PPP1R3E: variants seen among roughly 807,000 people sequenced by gnomAD.
PPP1R3E encodes protein phosphatase 1 regulatory subunit 3E, also known as protein phosphatase 1, regulatory (inhibitor) subunit 3E.
In PPP1R3E, 20 loss-of-function variants were observed where a neutral mutation model predicts 18.5. That is an observed-to-expected ratio of 1.08 (90% confidence interval 0.76 to 1.58). PPP1R3E has a LOEUF of 1.58. PPP1R3E is among the 40% of genes most tolerant of loss of function. The probability of loss-of-function intolerance (pLI) is 0.00; values close to 1 mark genes in which losing one functional copy is unlikely to be tolerated. For synonymous variants in PPP1R3E, 208 were observed against 208.1 expected (o/e 1.00, Z 0.00); for missense variants, 498 against 460.2 (o/e 1.08, Z -0.75).
At position 23,302,415 on chromosome 14, in the gene PPP1R3E, G is replaced by GCGGGATCGGGCC; in HGVS notation, c.150_161dup (p.Arg52_Ala55dup). On this transcript the variant is annotated inframe_insertion, in exon 1 of 5. Transcript: ENST00000452015. ...GGCGGCCCCGACTCGGTGCGTGAGCGCGGGATCGGGCCCCGAACCGCGTCC... is the reference window on the plus strand; with the variant it reads ...GGCGGCCCCGACTCGGTGCGTGAGCGCGGGATCGGGCCCGGGATCGGGCCCCGAACCGCGTCC... 6.7e-7 allele frequency: 1 copy of GCGGGATCGGGCC among 1,493,408 alleles called. No individual in the cohort carries two copies. Among genetic ancestry groups the GCGGGATCGGGCC allele is most frequent in the Non-Finnish European group, 8.8e-7 (1 of 1,131,702 alleles). 92.5% of individuals were successfully genotyped at this position (1,493,408 alleles called of 1,614,324 possible). A position where few individuals can be genotyped will look rare whatever the true frequency, so the allele number is the denominator to read the frequency against.
At position 23,298,776 on chromosome 14, in the gene PPP1R3E, T is replaced by G. The variant is rs1213456487; in HGVS notation, c.*528A>C. 1 of 154,452 alleles carries G rather than the reference T, an allele frequency of 6.5e-6. No individual in the cohort carries two copies. The highest frequency in any genetic ancestry group is 1.5e-5 in the Non-Finnish European group (1 of 68,254). 9.6% of individuals were successfully genotyped at this position (154,452 alleles called of 1,614,324 possible). A position where few individuals can be genotyped will look rare whatever the true frequency, so the allele number is the denominator to read the frequency against. ...GTTTCTTTCTTCACTTTGCTGCAAC[T>G]TTGAACTGAAGGTGATCCACATGGT... On this transcript the variant is annotated 3_prime_UTR_variant, in exon 5 of 5. Transcript: ENST00000452015.
At position 23,301,351 on chromosome 14, in the gene PPP1R3E, C is replaced by A; in HGVS notation, c.*85G>T. On this transcript the variant is annotated 3_prime_UTR_variant, in exon 2 of 5. Transcript: ENST00000452015. ...TTGGACCGCTCCCGCCAATCCTGGT[C>A]TCTCCTACTCCTCCCCGCCACATCG... The A allele has an allele frequency of 8.3e-7, 1 of 1,199,634 alleles. No individual in the cohort carries two copies. The highest frequency in any genetic ancestry group is 1.0e-6 in the Non-Finnish European group (1 of 962,728). 74.3% of individuals were successfully genotyped at this position (1,199,634 alleles called of 1,614,324 possible). A position where few individuals can be genotyped will look rare whatever the true frequency, so the allele number is the denominator to read the frequency against.
In PPP1R3E at chr14:23,301,467, G is replaced by A. The variant is rs1049284671; in HGVS notation, c.809C>T (p.Pro270Leu). The change falls in exon 2 of 5, where the codon CCG becomes CTG. Residue 270 changes from proline (P) to leucine (L), a missense_variant. Pro to Leu is a moderately conservative substitution (Grantham distance 98). Coordinates refer to ENST00000452015, the MANE Select transcript of PPP1R3E (RefSeq NM_001276318.2). ...AAAGTGGATCCAGCCCTGCGGCTCC[G>A]GAGCTCCGCCACTGCCCGGGTGCTC... ...GPEHPGSGGA[P>L]EPQGWIHFI is the part of the protein sequence containing the mutation. The A allele has an allele frequency of 2.7e-6, 4 of 1,462,760 alleles. No individual in the cohort carries two copies. The highest frequency in any genetic ancestry group is 3.6e-6 in the Non-Finnish European group (4 of 1,111,366). 90.6% of individuals were successfully genotyped at this position (1,462,760 alleles called of 1,614,324 possible). A position where few individuals can be genotyped will look rare whatever the true frequency, so the allele number is the denominator to read the frequency against.
At position 23,301,493 on chromosome 14, in the gene PPP1R3E, G is replaced by C. The variant is rs1004877604; in HGVS notation, c.783C>G (p.Pro261=). The C allele has an allele frequency of 4.1e-6, 6 of 1,476,850 alleles. No individual in the cohort carries two copies. Among genetic ancestry groups the C allele is most frequent in the Non-Finnish European group, 4.5e-6 (5 of 1,117,018 alleles). The allele number at this position is 1,476,850 out of a possible 1,614,324, so 91.5% of individuals were successfully genotyped here. A position where few individuals can be genotyped will look rare whatever the true frequency, so the allele number is the denominator to read the frequency against. The change falls in exon 2 of 5, where the codon CCC becomes CCG. Residue 261 remains proline, a synonymous_variant. Coordinates refer to ENST00000452015, the MANE Select transcript of PPP1R3E (RefSeq NM_001276318.2). ...GAGCTCCGCCACTGCCCGGGTGCTC[G>C]GGCCCACGTAGAGCATAGTCACGGC... ...NGGRDYALRG[P]EHPGSGGAPE...
Position 23,295,828 on chromosome 14 carries a change from G to T in PPP1R3E, c.*3476C>A, listed in dbSNP as rs1391249295. 1 of 154,262 alleles carries T rather than the reference G, an allele frequency of 6.5e-6. No individual in the cohort carries two copies. Among genetic ancestry groups the T allele is most frequent in the African/African-American group, 2.4e-5 (1 of 41,500 alleles). 9.6% of individuals were successfully genotyped at this position (154,262 alleles called of 1,614,324 possible). On this transcript the variant is annotated 3_prime_UTR_variant, in exon 5 of 5. Coordinates refer to ENST00000452015, the MANE Select transcript of PPP1R3E (RefSeq NM_001276318.2). The stretch of plus-strand genomic sequence containing the variant: ...CACACACAAAAAACAAGGTGACCAA[G>T]AAATTGAGTCAAGGAGGGAATCTTG...
rs1362265860 is a variant in PPP1R3E, at chr14:23,302,329, T to A, written c.248A>T (p.Asp83Val). ...GGCGAAACGCACTCTCTTGCGGGTG[T>A]CTGGGCTACGGCTGCGGGGCGCCCG... ...GARAPRSRSP[D>V]TRKRVRFADA... is the part of the protein sequence containing the mutation. Residue 83 changes from aspartate to valine, a missense_variant, in exon 1 of 5, where the codon GAC becomes GTC. By Grantham distance (152) the Asp-to-Val change is radical. Coordinates refer to ENST00000452015, the MANE Select transcript of PPP1R3E (RefSeq NM_001276318.2). The A allele has an allele frequency of 6.6e-7, 1 of 1,512,864 alleles. No individual in the cohort carries two copies. The highest frequency in any genetic ancestry group is 8.8e-7 in the Non-Finnish European group (1 of 1,139,056). 93.7% of individuals were successfully genotyped at this position (1,512,864 alleles called of 1,614,324 possible). A position where few individuals can be genotyped will look rare whatever the true frequency, so the allele number is the denominator to read the frequency against.
At position 23,301,584 on chromosome 14, in the gene PPP1R3E, C is replaced by G. The variant is rs1200659444; in HGVS notation, c.692G>C (p.Gly231Ala). 1 of 1,449,658 alleles carries G rather than the reference C, an allele frequency of 6.9e-7. No homozygotes were observed. Among genetic ancestry groups the G allele is most frequent in the African/African-American group, 1.5e-5 (1 of 68,192 alleles). 89.8% of individuals were successfully genotyped at this position (1,449,658 alleles called of 1,614,324 possible). Residue 231 changes from glycine (G) to alanine (A), a missense_variant, in exon 2 of 5, where the codon GGG becomes GCG. Gly to Ala is a moderately conservative substitution (Grantham distance 60). Coordinates refer to ENST00000452015, the MANE Select transcript of PPP1R3E (RefSeq NM_001276318.2). ...FAFRLPAPPI[G>A]GALLFALRYR... Reference sequence around the variant, plus strand: ...GCGCAAGGCGAAGAGCAGGGCGCCCCCAATCGGCGGCGCGGGCAGGCGGAA... The same window carrying G: ...GCGCAAGGCGAAGAGCAGGGCGCCCGCAATCGGCGGCGCGGGCAGGCGGAA...
In PPP1R3E at chr14:23,302,823, C is replaced by A. The variant is rs1032362024; in HGVS notation, c.-247G>T. ...GGTCTTAGACTATCACATCCTGCCT[C>A]CTGCTAGCGGTCTGCTCTGAGCGTG... On this transcript the variant is annotated 5_prime_UTR_variant, in exon 1 of 5. Transcript: ENST00000452015. The A allele has an allele frequency of 5.0e-5, 23 of 458,622 alleles. No homozygotes were observed. The highest frequency in any genetic ancestry group is 5.4e-4 in the Middle Eastern group (1 of 1,836). The allele number at this position is 458,622 out of a possible 1,614,324, so 28.4% of individuals were successfully genotyped here. A position where few individuals can be genotyped will look rare whatever the true frequency, so the allele number is the denominator to read the frequency against.
chr14:23,301,350 T>C lies in PPP1R3E; in HGVS notation c.*86A>G. On this transcript the variant is annotated 3_prime_UTR_variant, in exon 2 of 5. Coordinates refer to ENST00000452015, the MANE Select transcript of PPP1R3E (RefSeq NM_001276318.2). Reference sequence around the variant, plus strand: ...CTTGGACCGCTCCCGCCAATCCTGGTCTCTCCTACTCCTCCCCGCCACATC... The same window carrying C: ...CTTGGACCGCTCCCGCCAATCCTGGCCTCTCCTACTCCTCCCCGCCACATC... The C allele has an allele frequency of 1.9e-6, 2 of 1,080,682 alleles. No homozygotes were observed. Among genetic ancestry groups the C allele is most frequent in the African/African-American group, 3.4e-5 (2 of 58,424 alleles). 66.9% of individuals were successfully genotyped at this position (1,080,682 alleles called of 1,614,324 possible).
chr14:23,299,949 T>TTTTTA (rs397723311), intron 3 of PPP1R3E, among the ~76,000 whole-genome samples: 2 of 146,490 alleles, frequency 1.4e-5, no homozygotes, highest in African/African-American at 5.3e-5. Flanking sequence ...TTTTTTTTTT[T>TTTTTA]ACAACCAAGT....
In PPP1R3E at chr14:23,302,680, T is replaced by C; in HGVS notation, c.-104A>G. 1 of 1,183,814 alleles carries C rather than the reference T, an allele frequency of 8.4e-7. No homozygotes were observed. Among genetic ancestry groups the C allele is most frequent in the South Asian group, 1.8e-5 (1 of 57,058 alleles). The allele number at this position is 1,183,814 out of a possible 1,614,324, so 73.3% of individuals were successfully genotyped here. A position where few individuals can be genotyped will look rare whatever the true frequency, so the allele number is the denominator to read the frequency against. ...CAGCGCAGAAGTCGCTGGGTCCGCT[T>C]CTGCAGCCCCTCGCTGCTGTGTATT... On this transcript the variant is annotated 5_prime_UTR_variant, in exon 1 of 5. Transcript: ENST00000452015.
chr14:23,299,889 A>G (rs1469027450), intron 3 of PPP1R3E, among the ~76,000 whole-genome samples: 2 of 120,190 alleles, frequency 1.7e-5, no homozygotes, highest in African/African-American at 6.1e-5. Flanking sequence ...TTCTGGTGCC[A>G]TTTACTATTC....
chr14:23,298,874 T>TG lies in PPP1R3E; in HGVS notation c.*429dup, dbSNP rs1454402004. On this transcript the variant is annotated 3_prime_UTR_variant, in exon 5 of 5. Transcript: ENST00000452015. ...ATGGGCATTTGTTTGCGGAATGACT[T>TG]GGAGAGTTCCTCTCTTTCAGCCATC... is the stretch of plus-strand genomic sequence containing the variant. 1 of 154,576 alleles carries TG rather than the reference T, an allele frequency of 6.5e-6. No homozygotes were observed. Among genetic ancestry groups the TG allele is most frequent in the South Asian group, 2.0e-4 (1 of 4,926 alleles). The allele number at this position is 154,576 out of a possible 1,614,324, so 9.6% of individuals were successfully genotyped here. A position where few individuals can be genotyped will look rare whatever the true frequency, so the allele number is the denominator to read the frequency against.
chr14:23,301,171 T>C lies in PPP1R3E; in HGVS notation c.*138+127A>G, dbSNP rs1041898903. On this transcript the variant is annotated intron_variant, in intron 2 of 4. Transcript: ENST00000452015. ...GTGCCGTTTCGGGTCTCCTTCCTCCTATATTCTGAGTTCCTTCCACTCACA... is the reference window on the plus strand; with the variant it reads ...GTGCCGTTTCGGGTCTCCTTCCTCCCATATTCTGAGTTCCTTCCACTCACA... 47 of 378,606 alleles carry C rather than the reference T, an allele frequency of 1.2e-4. No homozygotes were observed. The Admixed American group carries it at 1.5e-3, about 12-fold the overall frequency. 23.5% of individuals were successfully genotyped at this position (378,606 alleles called of 1,614,324 possible).
Position 23,301,332 on chromosome 14 carries a change from C to A in PPP1R3E, c.*104G>T. ...CCTCCCCGGCTTGACTCCCTTGGACCGCTCCCGCCAATCCTGGTCTCTCCT... is the reference window on the plus strand; with the variant it reads ...CCTCCCCGGCTTGACTCCCTTGGACAGCTCCCGCCAATCCTGGTCTCTCCT... On this transcript the variant is annotated 3_prime_UTR_variant, in exon 2 of 5. Transcript: ENST00000452015. The A allele has an allele frequency of 8.9e-7, 1 of 1,120,382 alleles. No homozygotes were observed. The highest frequency in any genetic ancestry group is 1.1e-6 in the Non-Finnish European group (1 of 911,246). 69.4% of individuals were successfully genotyped at this position (1,120,382 alleles called of 1,614,324 possible).
Position 23,301,754 on chromosome 14 carries a change from C to T in PPP1R3E, c.522G>A (p.Val174=). 1 of 1,421,826 alleles carries T rather than the reference C, an allele frequency of 7.0e-7. No individual in the cohort carries two copies. Among genetic ancestry groups the T allele is most frequent in the East Asian group, 3.1e-5 (1 of 32,398 alleles). The allele number at this position is 1,421,826 out of a possible 1,614,324, so 88.1% of individuals were successfully genotyped here. A position where few individuals can be genotyped will look rare whatever the true frequency, so the allele number is the denominator to read the frequency against. Residue 174 remains valine (V), a synonymous_variant, in exon 2 of 5, where the codon GTG becomes GTA. Transcript: ENST00000452015. ...LERAEAGPLG[V]AGSARVVDLA... is the part of the protein sequence containing the mutation. ...GGTCCACCACGCGCGCGCTCCCGGC[C>T]ACGCCCAGCGGGCCCGCCTCGGCGC...
chr14:23,302,294 C>A lies in PPP1R3E; in HGVS notation c.283G>T (p.Gly95Trp), dbSNP rs1302242699. 1.3e-6 allele frequency: 2 copies of A among 1,520,422 alleles called. No individual in the cohort carries two copies. Among genetic ancestry groups the A allele is most frequent in the South Asian group, 1.2e-5 (1 of 82,542 alleles). The allele number at this position is 1,520,422 out of a possible 1,614,324, so 94.2% of individuals were successfully genotyped here. The change falls in exon 1 of 5, where the codon GGG (glycine) becomes TGG (tryptophan). Residue 95 changes from glycine to tryptophan, a missense_variant. Gly to Trp is a radical substitution (Grantham distance 184, BLOSUM62 -2). Transcript: ENST00000452015. ...CGGCGCACGACAGCCAGCTCCAACC[C>A]CAGTGCGTCGGCGAAACGCACTCTC... is the stretch of plus-strand genomic sequence containing the variant. ...RKRVRFADALGLELAVVRRFR... is the reference protein window; with the variant it reads ...RKRVRFADALWLELAVVRRFR...
intron 1 of PPP1R3E, 97 bp from the exon 2 acceptor site, chr14:23,301,955 C>T: frequency 7.6e-7 from 1 of 1,309,818 alleles, no homozygotes; most frequent in Non-Finnish European, 9.8e-7. Context: ...AATCAGAGGC[C>T]GACCCCGGCG....
Position 23,302,223 on chromosome 14 carries a change from GA to G in PPP1R3E, c.353del (p.Ile118ThrfsTer41). The G allele has an allele frequency of 6.7e-7, 1 of 1,503,114 alleles. No homozygotes were observed. Among genetic ancestry groups the G allele is most frequent in the Non-Finnish European group, 8.8e-7 (1 of 1,134,174 alleles). 93.1% of individuals were successfully genotyped at this position (1,503,114 alleles called of 1,614,324 possible). Reference protein sequence around the residue: ...ELPRVPRHVQIQLQRDALRHF... With the variant: ...ELPRVPRHVQXQLQRDALRHF... ...GGCGGAGGGCGTCCCTCTGCAATTG[GA>G]TCTGCACGTGGCGGGGCACCCGGGG... On this transcript the variant is annotated frameshift_variant, in exon 1 of 5. Transcript: ENST00000452015. LOFTEE classifies it high-confidence loss of function.
Sources: allele counts gnomAD v4.1 joint callset (sites outside exome capture counted in the v4.1 genomes callset), GRCh38; gene constraint gnomAD v4.1.1; transcripts MANE v1.5; gene names NCBI Gene and HGNC (gene_info 2026-07-23, HGNC 2026-07-21).